Variants in TYRO3 observed in about 807,000 individuals in gnomAD.
TYRO3 encodes the protein TYRO3 protein tyrosine kinase.
TYRO3 carries 38 observed loss-of-function variants against 95.2 expected under a neutral mutation model. The observed-to-expected ratio is 0.40, with a 90% CI of 0.31 to 0.52. TYRO3 has a LOEUF of 0.52. Ranked by LOEUF, TYRO3 falls within the 20% of genes least tolerant of loss-of-function variation. The probability of loss-of-function intolerance (pLI) is 0.56; values close to 1 mark genes in which losing one functional copy is unlikely to be tolerated. For missense variants in TYRO3, 812 were observed against 1,116.4 expected (o/e 0.73, Z 3.89); for synonymous variants, 367 against 432.9 (o/e 0.85, Z 1.89).
rs146345601 is a variant in TYRO3, at chr15:41,567,372, C to T, written c.796C>T (p.Pro266Ser). Reference protein sequence around the residue: ...QSCTVQVTQAPGGWEVLAVVV... With the variant: ...QSCTVQVTQASGGWEVLAVVV... ...TGCTTTTCTGTAGGTGACACAGGCC[C>T]CAGGAGGCTGGGAAGTCCTGGCTGT... Residue 266 changes from proline to serine, a missense_variant, in exon 7 of 19, where the codon CCA becomes TCA. Pro to Ser is a moderately conservative substitution (Grantham distance 74). Transcript: ENST00000263798. The T allele has an allele frequency of 1.3e-6, 2 of 1,569,906 alleles. No homozygotes were observed. The highest frequency in any genetic ancestry group is 2.7e-5 in the African/African-American group (2 of 72,928).
In TYRO3 at chr15:41,582,940, C is replaced by T. The variant is rs1275526885; in HGVS notation, c.*4664C>T. ...TAGTAAACTGATTCTCCCACCTCAGCGTCCTGAATAGCTGGGACCACAGGC... is the reference window on the plus strand; with the variant it reads ...TAGTAAACTGATTCTCCCACCTCAGTGTCCTGAATAGCTGGGACCACAGGC... On this transcript the variant is annotated 3_prime_UTR_variant, in exon 19 of 19. Transcript: ENST00000263798. The T allele has an allele frequency of 2.0e-5, 3 of 146,960 alleles. No homozygotes were observed. Among genetic ancestry groups the T allele is most frequent in the Non-Finnish European group, 1.5e-5 (1 of 67,366 alleles). The allele number at this position is 146,960 out of a possible 1,614,324, so 9.1% of individuals were successfully genotyped here. A position where few individuals can be genotyped will look rare whatever the true frequency, so the allele number is the denominator to read the frequency against.
rs2140839360 is a variant in TYRO3, at chr15:41,579,671, T to TA, written c.*1395_*1396insA. 6.6e-6 allele frequency: 1 copy of TA among 152,164 alleles called. No homozygotes were observed. Among genetic ancestry groups the TA allele is most frequent in the Admixed American group, 6.5e-5 (1 of 15,282 alleles). 9.4% of individuals were successfully genotyped at this position (152,164 alleles called of 1,614,324 possible). A position where few individuals can be genotyped will look rare whatever the true frequency, so the allele number is the denominator to read the frequency against. On this transcript the variant is annotated 3_prime_UTR_variant, in exon 19 of 19. Coordinates refer to ENST00000263798, the MANE Select transcript of TYRO3 (RefSeq NM_006293.4). ...GGCCCCAGCTTTGTCTCTTAAATGT[T>TA]TACTTTTTTTGAGATCACAAAGATG...
Position 41,572,986 on chromosome 15 carries a change from C to T in TYRO3, c.1876-16C>T. The T allele has an allele frequency of 1.1e-6, 1 of 936,282 alleles. No homozygotes were observed. Among genetic ancestry groups the T allele is most frequent in the Non-Finnish European group, 1.6e-6 (1 of 619,652 alleles). 58.0% of individuals were successfully genotyped at this position (936,282 alleles called of 1,614,324 possible). A position where few individuals can be genotyped will look rare whatever the true frequency, so the allele number is the denominator to read the frequency against. ...GTGGGCAGGTTAAGCCTGAGCTTGG[C>T]CTGTCTGTCCACTAGAACCTACCCC... On this transcript the variant is annotated splice_polypyrimidine_tract_variant and intron_variant, in intron 15 of 18. Transcript: ENST00000263798.
Position 41,566,922 on chromosome 15 carries a change from A to G in TYRO3, c.784-438A>G, listed in dbSNP as rs73391132. Among the ~76,000 whole-genome samples the G allele has an allele frequency of 2.1e-3, 318 of 152,282 alleles. 1 individual carries two copies. Among genetic ancestry groups the G allele is most frequent in the African/African-American group, 6.9e-3 (287 of 41,546 alleles). On this transcript the variant is annotated intron_variant, in intron 6 of 18. Transcript: ENST00000263798. ...CCTGGGCCCCCAAAATGTAAGATGA[A>G]GGGCTGGTTCATAGTGCCCTAGGCT...
rs2055738121 is a variant in TYRO3 at position 41,567,424 on chromosome 15, G to C, written c.848G>C (p.Cys283Ser). The C allele has an allele frequency of 1.2e-6, 2 of 1,609,908 alleles. No individual in the cohort carries two copies. The highest frequency in any genetic ancestry group is 4.5e-5 in the East Asian group (2 of 44,242). ...GTGGTCCCTGTGCCCCCCTTTACCTGCCTGCTCCGGGACCTGGTGCCTGCC... is the reference window on the plus strand; with the variant it reads ...GTGGTCCCTGTGCCCCCCTTTACCTCCCTGCTCCGGGACCTGGTGCCTGCC... ...AVVVPVPPFT[C>S]LLRDLVPATN... The change falls in exon 7 of 19, where the codon TGC (cysteine) becomes TCC (serine). Residue 283 changes from cysteine (C) to serine (S), a missense_variant. Physicochemically the swap from Cys to Ser is moderately radical, Grantham distance 112. Coordinates refer to ENST00000263798, the MANE Select transcript of TYRO3 (RefSeq NM_006293.4).
rs777115395 is a variant in TYRO3 at position 41,570,280 on chromosome 15, G to A, written c.1423G>A (p.Val475Ile). ...TGTCATGGCCCGGGGAGAGCCAGCCGTTCACTTCCGGGCAGCCCGGTCCTT... is the reference window on the plus strand; with the variant it reads ...TGTCATGGCCCGGGGAGAGCCAGCCATTCACTTCCGGGCAGCCCGGTCCTT... Reference protein sequence around the residue: ...DSVMARGEPAVHFRAARSFNR... With the variant: ...DSVMARGEPAIHFRAARSFNR... Residue 475 changes from valine to isoleucine, a missense_variant, in exon 11 of 19, where the codon GTT (valine) becomes ATT (isoleucine). By Grantham distance (29) the Val-to-Ile change is conservative. Transcript: ENST00000263798. 17 of 1,614,038 alleles carry A rather than the reference G, an allele frequency of 1.1e-5. No homozygotes were observed. The highest frequency in any genetic ancestry group is 6.6e-5 in the South Asian group (6 of 91,086).
Position 41,571,108 on chromosome 15 carries a change from G to C in TYRO3, c.1650G>C (p.Lys550Asn), listed in dbSNP as rs1477734085. The C allele has an allele frequency of 6.2e-7, 1 of 1,614,092 alleles. No individual in the cohort carries two copies. The highest frequency in any genetic ancestry group is 8.5e-7 in the Non-Finnish European group (1 of 1,179,980). ...GCTCCTTTGTGAAAGTGGCTGTGAA[G>C]ATGCTGAAAGGTGAGTGGGGGATAG... ...EDGSFVKVAV[K>N]MLKADIIASS... Residue 550 changes from lysine (K) to asparagine (N), a missense_variant, in exon 13 of 19, where the codon AAG (lysine) becomes AAC (asparagine). Transcript: ENST00000263798.
chr15:41,561,239 T>C lies in TYRO3; in HGVS notation c.237T>C (p.Asp79=). 1 of 1,614,178 alleles carries C rather than the reference T, an allele frequency of 6.2e-7. No homozygotes were observed. Among genetic ancestry groups the C allele is most frequent in the Non-Finnish European group, 8.5e-7 (1 of 1,180,028 alleles). Residue 79 remains aspartate (D), a synonymous_variant, in exon 2 of 19, where the codon GAT becomes GAC. Transcript: ENST00000263798. ...AGCCTGACATCCAGTGGGTGAAGGA[T>C]GGGGCTGTGGTCCAGAACTTGGACC... ...MEEPDIQWVK[D]GAVVQNLDQL... is the part of the protein sequence containing the mutation.
rs764518858 is a variant in TYRO3 at position 41,573,639 on chromosome 15, C to T, written c.2146-40C>T. 4.8e-6 allele frequency: 7 copies of T among 1,452,734 alleles called. No homozygotes were observed. The Admixed American group carries it at 5.6e-5, about 12-fold the overall frequency. The allele number at this position is 1,452,734 out of a possible 1,614,324, so 90.0% of individuals were successfully genotyped here. A position where few individuals can be genotyped will look rare whatever the true frequency, so the allele number is the denominator to read the frequency against. The stretch of plus-strand genomic sequence containing the variant: ...ATGGCTCTCTGCCTGGCTCAGGACA[C>T]CTAGTGACAGCTTCTCCCCCAACCT... On this transcript the variant is annotated intron_variant, in intron 17 of 18. Transcript: ENST00000263798.
At chr15:41,563,500 T>C (rs2055682842) in intron 4 of TYRO3, among the ~76,000 whole-genome samples, 1 of 152,154 alleles carries the variant, frequency 6.6e-6, no homozygotes, top group African/African-American at 2.4e-5. Flanking sequence ...ATGAGACCTC[T>C]TGGAAGCAAG....
intron 14 of TYRO3, among the ~76,000 whole-genome samples, chr15:41,572,151 G>A (rs1329300330): frequency 2.6e-5 from 4 of 152,110 alleles, no homozygotes; most frequent in African/African-American, 2.4e-5. Flanking sequence ...AGCTGTGATT[G>A]CGCCACTGCA....
Position 41,574,268 on chromosome 15 carries a change from T to C in TYRO3, c.2282+453T>C, listed in dbSNP as rs562533040. On this transcript the variant is annotated intron_variant, in intron 18 of 18. Transcript: ENST00000263798. ...TTCCTAGGCTGAGCTCTCTTGGGAATCTAAGATAAAGAACTGAGATCCTGG... is the reference window on the plus strand; with the variant it reads ...TTCCTAGGCTGAGCTCTCTTGGGAACCTAAGATAAAGAACTGAGATCCTGG... Among the ~76,000 whole-genome samples the C allele has an allele frequency of 2.0e-5, 3 of 152,212 alleles. No homozygotes were observed. The East Asian group carries it at 5.8e-4, about 29-fold the overall frequency.
At chr15:41,564,305 GCCAGGGGCATTC>G in intron 5 of TYRO3, 35 bp downstream of exon 5, 1 of 1,591,350 alleles carries the variant, frequency 6.3e-7, no homozygotes, top group Non-Finnish European at 8.6e-7. Context: ...GGTGGATGAG[GCCAGGGGCATTC>G]CCAGCGAGCT....
Position 41,578,174 on chromosome 15 carries a change from T to C in TYRO3, c.2571T>C (p.Ala857=), listed in dbSNP as rs2055884758. 1.2e-5 allele frequency: 19 copies of C among 1,613,884 alleles called. No homozygotes were observed. The highest frequency in any genetic ancestry group is 1.6e-5 in the Non-Finnish European group (19 of 1,180,034). Residue 857 remains alanine, a synonymous_variant, in exon 19 of 19, where the codon GCT becomes GCC. Transcript: ENST00000263798. The part of the protein sequence containing the change: ...CRYILTPGGL[A]EQPGQAEHQP... ...ACATACTCACCCCCGGAGGGCTGGC[T>C]GAGCAGCCAGGGCAGGCAGAGCACC...
In TYRO3 at chr15:41,580,081, G is replaced by T. The variant is rs1457892643; in HGVS notation, c.*1805G>T. The stretch of plus-strand genomic sequence containing the variant: ...AACAGCTGTTACCTTTAAATGATGG[G>T]GTTAAGGGGACGTTCTTCTTTGTGC... On this transcript the variant is annotated 3_prime_UTR_variant, in exon 19 of 19. Coordinates refer to ENST00000263798, the MANE Select transcript of TYRO3 (RefSeq NM_006293.4). 6.6e-6 allele frequency: 1 copy of T among 152,010 alleles called. No individual in the cohort carries two copies. The highest frequency in any genetic ancestry group is 2.1e-4 in the South Asian group (1 of 4,820). The allele number at this position is 152,010 out of a possible 1,614,324, so 9.4% of individuals were successfully genotyped here. A position where few individuals can be genotyped will look rare whatever the true frequency, so the allele number is the denominator to read the frequency against.
rs1426879940 is a variant in TYRO3, at chr15:41,578,248, A to G, written c.2645A>G (p.Gln882Arg). The change falls in exon 19 of 19, where the codon CAA becomes CGA. Residue 882 changes from glutamine (Q) to arginine (R), a missense_variant. By Grantham distance (43) the Gln-to-Arg change is conservative (BLOSUM62 1). Coordinates refer to ENST00000263798, the MANE Select transcript of TYRO3 (RefSeq NM_006293.4). The stretch of plus-strand genomic sequence containing the variant: ...ACACAGAGGCTTTTGCTGCTGCAGC[A>G]AGGGCTACTGCCACACAGTAGCTGT... The part of the protein sequence containing the change: ...NETQRLLLLQ[Q>R]GLLPHSSC 2.5e-6 allele frequency: 4 copies of G among 1,613,344 alleles called. No individual in the cohort carries two copies. The African/African-American group carries it at 5.3e-5, about 22-fold the overall frequency.
intron 1 of TYRO3, 32 bp downstream of exon 1, chr15:41,559,413 G>C (rs1331440682): frequency 5.8e-6 from 2 of 344,612 alleles, no homozygotes; most frequent in African/African-American, 2.2e-5. Context: ...GGCGGGAAGC[G>C]GGGGGCTGCG....
At chr15:41,559,425 AG>A (rs2052132141) in intron 1 of TYRO3, 44 bp downstream of exon 1, 1 of 162,664 alleles carries the variant, frequency 6.1e-6, no homozygotes, top group Non-Finnish European at 1.3e-5. Flanking sequence ...GGGGCTGCGG[AG>A]GGGCGCGGCC....
At chr15:41,565,462 G>A (rs2055710080) in intron 6 of TYRO3, among the ~76,000 whole-genome samples, 1 of 151,476 alleles carries the variant, frequency 6.6e-6, no homozygotes, top group Non-Finnish European at 1.5e-5. Context: ...AGGCTGGAGT[G>A]CAGTGGTGCC....
Sources: allele counts gnomAD v4.1 joint callset (sites outside exome capture counted in the v4.1 genomes callset), GRCh38; gene constraint gnomAD v4.1.1; transcripts MANE v1.5; gene names NCBI Gene and HGNC (gene_info 2026-07-23, HGNC 2026-07-21).